The following FETUB variants were observed in gnomAD, a reference collection of about 807,000 sequenced individuals.
FETUB encodes fetuin B.
Under a neutral mutation model 30.9 loss-of-function variants are expected in FETUB, and 28 were observed. The ratio of observed to expected loss-of-function variants is 0.90; its 90% confidence interval spans 0.67 to 1.24. The LOEUF is 1.24. Among genes scored for constraint, FETUB ranks in the 50% most tolerant of loss-of-function variants. The pLI, the probability that FETUB is intolerant of heterozygous loss-of-function variation, is 0.00. For synonymous variants in FETUB, 186 were observed against 175.9 expected (o/e 1.06, Z -0.45); for missense variants, 469 against 455.3 (o/e 1.03, Z -0.27).
intron 6 of FETUB, 44 bp downstream of exon 6, chr3:186,651,345 G>A: frequency 3.1e-6 from 4 of 1,308,686 alleles, no homozygotes; most frequent in Non-Finnish European, 4.4e-6. Flanking sequence ...AAGAAGAGCA[G>A]ATTATCGATA....
upstream of FETUB, among the ~76,000 whole-genome samples, chr3:186,639,741 G>A (rs1489962986): frequency 6.6e-6 from 1 of 151,308 alleles, no homozygotes; most frequent in African/African-American, 2.4e-5. Context: ...TTTAGCAAGA[G>A]TATGGGGCTT....
At chr3:186,648,048 G>A (rs1053644787) in intron 5 of FETUB, among the ~76,000 whole-genome samples, 2 of 151,878 alleles carry the variant, frequency 1.3e-5, no homozygotes, top group East Asian at 3.9e-4. Context: ...CAAAGGTACA[G>A]TACTTAAGAC....
At position 186,641,148 on chromosome 3, in the gene FETUB, C is replaced by T. The variant is rs143032930; in HGVS notation, c.336+8C>T. ...AGGATATTTTTTGAATCAGTGAGTG[C>T]TTGTTTTTATAAACCATTAAGGGCC... On this transcript the variant is annotated splice_region_variant and intron_variant, in intron 2 of 6. Transcript: ENST00000265029. 2,357 of 1,571,710 alleles carry T rather than the reference C, an allele frequency of 1.5e-3. 37 individuals carry two copies. In the African/African-American group the frequency reaches 0.029, roughly 19 times the overall value.
intron 4 of FETUB, 70 bp downstream of exon 4, chr3:186,644,990 G>A (rs1464305062): frequency 7.7e-7 from 1 of 1,292,546 alleles, no homozygotes; most frequent in Non-Finnish European, 1.1e-6. Flanking sequence ...TCCTAAGCTG[G>A]GAGGAAAATG....
Position 186,652,627 on chromosome 3 carries a change from C to T in FETUB, c.1145C>T (p.Pro382Leu), listed in dbSNP as rs2108553560. The change falls in exon 7 of 7, where the codon CCA (proline) becomes CTA (leucine). Residue 382 changes from proline to leucine, a missense_variant. Coordinates refer to ENST00000265029, the MANE Select transcript of FETUB (RefSeq NM_014375.3). ...AATGCCAGCCCTCTTGTCCTTCCGCCATGAGAATCACACAGAGTCTTCTGT... is the reference window on the plus strand; with the variant it reads ...AATGCCAGCCCTCTTGTCCTTCCGCTATGAGAATCACACAGAGTCTTCTGT... ...AQNASPLVLP[P>L] The T allele has an allele frequency of 6.2e-7, 1 of 1,601,574 alleles. No individual in the cohort carries two copies. Among genetic ancestry groups the T allele is most frequent in the South Asian group, 1.1e-5 (1 of 89,116 alleles).
upstream of FETUB, among the ~76,000 whole-genome samples, chr3:186,636,411 C>T (rs1456972116): frequency 6.6e-6 from 1 of 152,206 alleles, no homozygotes; most frequent in East Asian, 1.9e-4. Context: ...CATCCTTGGA[C>T]AGACCTGATG....
At position 186,651,298 on chromosome 3, in the gene FETUB, A is replaced by T; in HGVS notation, c.777A>T (p.Ser259=). 6.2e-7 allele frequency: 1 copy of T among 1,604,222 alleles called. No homozygotes were observed. Among genetic ancestry groups the T allele is most frequent in the Non-Finnish European group, 8.5e-7 (1 of 1,171,256 alleles). ...CTGTGACTTGTGACTTCTTTGAATC[A>T]CAGGTATTTTTCAATCTAATTGCCT... ...FVSVTCDFFE[S]QAPATGSENS... is the part of the protein sequence containing the mutation. The change falls in exon 6 of 7, where the codon TCA becomes TCT. Residue 259 remains serine, a synonymous_variant. Transcript: ENST00000265029.
intron 4 of FETUB, among the ~76,000 whole-genome samples, chr3:186,645,615 A>G (rs1252815194): frequency 6.6e-6 from 1 of 152,018 alleles, no homozygotes; most frequent in Non-Finnish European, 1.5e-5. Flanking sequence ...GGCATGAACC[A>G]CTATACCTGG....
At chr3:186,651,982 G>C (rs1718079791) in intron 6 of FETUB, 1 of 233,898 alleles carries the variant, frequency 4.3e-6, no homozygotes, top group Non-Finnish European at 8.3e-6. Flanking sequence ...AACAGAAAGA[G>C]AGCTTGCTGG....
chr3:186,652,392 G>T lies in FETUB; in HGVS notation c.910G>T (p.Val304Phe). 2 of 1,613,934 alleles carry T rather than the reference G, an allele frequency of 1.2e-6. No homozygotes were observed. Among genetic ancestry groups the T allele is most frequent in the Non-Finnish European group, 1.7e-6 (2 of 1,179,978 alleles). The change falls in exon 7 of 7, where the codon GTC becomes TTC. Residue 304 changes from valine to phenylalanine, a missense_variant. By Grantham distance (50) the Val-to-Phe change is conservative. Coordinates refer to ENST00000265029, the MANE Select transcript of FETUB (RefSeq NM_014375.3). ...SPSKAGPRGS[V>F]QYLPDLDDKN... is the part of the protein sequence containing the mutation. ...CTCCAAAGCTGGGCCAAGAGGATCT[G>T]TCCAATATCTTCCTGACTTGGATGA...
intron 5 of FETUB, among the ~76,000 whole-genome samples, chr3:186,648,842 A>G (rs1022171479): frequency 1.3e-5 from 2 of 152,078 alleles, no homozygotes; most frequent in African/African-American, 4.8e-5. Context: ...TTTTATATTG[A>G]TCTTATATAT....
At position 186,652,500 on chromosome 3, in the gene FETUB, G is replaced by A; in HGVS notation, c.1018G>A (p.Asp340Asn). ...LTTNPQGETL[D>N]ISFLFLEPME... ...CACGAATCCCCAGGGAGAAACCCTG[G>A]ATATTTCCTTCCTCTTCCTGGAGCC... is the stretch of plus-strand genomic sequence containing the variant. The change falls in exon 7 of 7, where the codon GAT becomes AAT. Residue 340 changes from aspartate to asparagine, a missense_variant. Coordinates refer to ENST00000265029, the MANE Select transcript of FETUB (RefSeq NM_014375.3). 6.2e-7 allele frequency: 1 copy of A among 1,614,188 alleles called. No individual in the cohort carries two copies. Among genetic ancestry groups the A allele is most frequent in the Non-Finnish European group, 8.5e-7 (1 of 1,180,038 alleles).
Position 186,652,784 on chromosome 3 carries a change from GA to G in FETUB, c.*156del. On this transcript the variant is annotated 3_prime_UTR_variant, in exon 7 of 7. Coordinates refer to ENST00000265029, the MANE Select transcript of FETUB (RefSeq NM_014375.3). ...GGTCTCAGCATGTTGACTGGGATTG[GA>G]AATAATGAGACTGAGCCCTCGGCTT... 1 of 881,890 alleles carries G rather than the reference GA, an allele frequency of 1.1e-6. No individual in the cohort carries two copies. Among genetic ancestry groups the G allele is most frequent in the South Asian group, 1.9e-5 (1 of 53,820 alleles). 54.6% of individuals were successfully genotyped at this position (881,890 alleles called of 1,614,324 possible).
At chr3:186,640,770 T>C (rs1716980564) in intron 1 of FETUB, 85 bp downstream of exon 1, 1 of 1,129,276 alleles carries the variant, frequency 8.9e-7, no homozygotes, top group Admixed American at 1.7e-5. Flanking sequence ...AGAGACACCC[T>C]GGCAGGTGTT....
At position 186,653,112 on chromosome 3, in the gene FETUB, C is replaced by T. The variant is rs529565478; in HGVS notation, c.*481C>T. On this transcript the variant is annotated 3_prime_UTR_variant, in exon 7 of 7. Transcript: ENST00000265029. ...CGTAGGGCCCATACCATTTCCAACC[C>T]TCTACCTCTTTTCATCTGTCTGGAA... 1 of 154,764 alleles carries T rather than the reference C, an allele frequency of 6.5e-6. No homozygotes were observed. Among genetic ancestry groups the T allele is most frequent in the African/African-American group, 2.4e-5 (1 of 41,568 alleles). 9.6% of individuals were successfully genotyped at this position (154,764 alleles called of 1,614,324 possible). A position where few individuals can be genotyped will look rare whatever the true frequency, so the allele number is the denominator to read the frequency against.
Position 186,646,274 on chromosome 3 carries a change from G to T in FETUB, c.621G>T (p.Val207=). 6.2e-7 allele frequency: 1 copy of T among 1,613,658 alleles called. No homozygotes were observed. ...SQWVVGPSYF[V]EYLIKESPCT... ...GGGTGGTCGGCCCTTCTTACTTTGT[G>T]GAATACTTAATTAAAGAATCACCAT... The change falls in exon 5 of 7, where the codon GTG becomes GTT. Residue 207 remains valine (V), a synonymous_variant. Coordinates refer to ENST00000265029, the MANE Select transcript of FETUB (RefSeq NM_014375.3).
At position 186,642,575 on chromosome 3, in the gene FETUB, A is replaced by G; in HGVS notation, c.424+17A>G. The G allele has an allele frequency of 2.7e-6, 4 of 1,467,532 alleles. No homozygotes were observed. The highest frequency in any genetic ancestry group is 1.1e-5 in the South Asian group (1 of 87,086). The allele number at this position is 1,467,532 out of a possible 1,614,324, so 90.9% of individuals were successfully genotyped here. A position where few individuals can be genotyped will look rare whatever the true frequency, so the allele number is the denominator to read the frequency against. On this transcript the variant is annotated intron_variant, in intron 3 of 6. Coordinates refer to ENST00000265029, the MANE Select transcript of FETUB (RefSeq NM_014375.3). ...TTCGCCCAGGTAAGAAATCACTACG[A>G]TTTTGTTAGTTTTAATAAAGGATGG... is the stretch of plus-strand genomic sequence containing the variant.
At chr3:186,643,318 T>C (rs1717224679) in intron 3 of FETUB, among the ~76,000 whole-genome samples, 1 of 152,214 alleles carries the variant, frequency 6.6e-6, no homozygotes, top group African/African-American at 2.4e-5. Flanking sequence ...AATATGCACA[T>C]GCATTCATTT....
At position 186,640,588 on chromosome 3, in the gene FETUB, C is replaced by T; in HGVS notation, c.128C>T (p.Ala43Val). ...GGCTGCAATGACTCAGATGTGCTGG[C>T]AGTTGCAGGCTTTGCCCTGCGGGAT... is the stretch of plus-strand genomic sequence containing the variant. The part of the protein sequence containing the change: ...SRGCNDSDVL[A>V]VAGFALRDIN... The change falls in exon 1 of 7, where the codon GCA (alanine) becomes GTA (valine). Residue 43 changes from alanine (A) to valine (V), a missense_variant. Ala to Val is a moderately conservative substitution (Grantham distance 64). Coordinates refer to ENST00000265029, the MANE Select transcript of FETUB (RefSeq NM_014375.3). 11 of 1,613,214 alleles carry T rather than the reference C, an allele frequency of 6.8e-6. No individual in the cohort carries two copies. The highest frequency in any genetic ancestry group is 8.5e-6 in the Non-Finnish European group (10 of 1,179,054).
Sources: gnomAD v4.1 joint callset for allele counts (sites outside exome capture counted in the v4.1 genomes callset) on GRCh38, gnomAD v4.1.1 for gene constraint, MANE v1.5 for transcripts, NCBI Gene and HGNC (gene_info 2026-07-23, HGNC 2026-07-21) for gene names.